The following CFAP77 variants were observed in gnomAD, a reference collection of about 807,000 sequenced individuals.
The protein encoded by CFAP77 is cilia- and flagella-associated protein 77.
Under a neutral mutation model 31.1 loss-of-function variants are expected in CFAP77, and 25 were observed. The observed-to-expected ratio is 0.80, with a 90% CI of 0.59 to 1.12. The LOEUF is 1.12. Ranked by LOEUF, CFAP77 falls within the 50% of genes most tolerant of loss-of-function variation. CFAP77 has a pLI of 0.00. For synonymous variants in CFAP77, 151 were observed against 159.9 expected (o/e 0.94, Z 0.42); for missense variants, 377 against 397.3 (o/e 0.95, Z 0.44).
intron 4 of CFAP77, among the ~76,000 whole-genome samples, chr9:132,538,973 G>C (rs1175686139): frequency 6.6e-6 from 1 of 152,030 alleles, no homozygotes; most frequent in East Asian, 1.9e-4. Context: ...TGTAGTCCCA[G>C]CTACTCGGGA....
intron 1 of CFAP77, among the ~76,000 whole-genome samples, chr9:132,420,075 C>T (rs1355192574): frequency 1.3e-5 from 2 of 151,148 alleles, no homozygotes; most frequent in African/African-American, 2.4e-5. Context: ...GCAGAAGGAT[C>T]TCCTGAGGCC....
At chr9:132,520,529 CA>C (rs1398116292) in intron 3 of CFAP77, among the ~76,000 whole-genome samples, 1 of 152,110 alleles carries the variant, frequency 6.6e-6, no homozygotes, top group African/African-American at 2.4e-5. Flanking sequence ...GTTGTAGTCC[CA>C]GCTACTCAGG....
In CFAP77 at chr9:132,426,360, G is replaced by A. The variant is rs570718001; in HGVS notation, c.195+15894G>A. ...GAACTTTATTTCCTTGCATGATCCCGAAAAGTCTAATACATTTTTTAAAAG... is the reference window on the plus strand; with the variant it reads ...GAACTTTATTTCCTTGCATGATCCCAAAAAGTCTAATACATTTTTTAAAAG... On this transcript the variant is annotated intron_variant, in intron 1 of 5. Transcript: ENST00000393216. Among the ~76,000 whole-genome samples, 64 of 152,244 alleles carry A rather than the reference G, an allele frequency of 4.2e-4. 1 individual carries two copies. The highest frequency in any genetic ancestry group is 1.3e-3 in the African/African-American group (56 of 41,556).
At chr9:132,507,086 A>C (rs900829146) in intron 3 of CFAP77, among the ~76,000 whole-genome samples, 4 of 152,216 alleles carry the variant, frequency 2.6e-5, no homozygotes, top group Non-Finnish European at 5.9e-5. Flanking sequence ...GAACCTGCTG[A>C]GCTTCTCCTT....
chr9:132,439,642 C>A (rs62578561), intron 1 of CFAP77, among the ~76,000 whole-genome samples: 1 of 151,832 alleles, frequency 6.6e-6, no homozygotes, highest in Non-Finnish European at 1.5e-5. Flanking sequence ...GTCAGGAGAT[C>A]GAGACCATCC....
chr9:132,524,371 C>T (rs1232128224), intron 3 of CFAP77, among the ~76,000 whole-genome samples: 4 of 151,604 alleles, frequency 2.6e-5, no homozygotes, highest in East Asian at 2.0e-4. Flanking sequence ...GAGGCCAAGG[C>T]GGGCGGATCA....
intron 1 of CFAP77, among the ~76,000 whole-genome samples, chr9:132,494,554 G>A (rs1046653733): frequency 2.0e-5 from 3 of 152,232 alleles, no homozygotes; most frequent in African/African-American, 7.2e-5. Context: ...TGCATCCTTA[G>A]ACATGTTCTT....
chr9:132,480,033 G>C lies in CFAP77; in HGVS notation c.196-18662G>C, dbSNP rs1851419218. Among the ~76,000 whole-genome samples, 3 of 152,130 alleles carry C rather than the reference G, an allele frequency of 2.0e-5. No individual in the cohort carries two copies. The highest frequency in any genetic ancestry group is 7.2e-5 in the African/African-American group (3 of 41,434). On this transcript the variant is annotated intron_variant, in intron 1 of 5. Transcript: ENST00000393216. This position sits in a 1 kb window ranked among gnomAD's most constrained non-coding sequence, Gnocchi z 5.8. ...CTCTGGATGACACGGATGGAGACGC[G>C]CTCCAGATAGGAAATGGCAGAGCTG...
At chr9:132,459,361 G>GCGCC in intron 1 of CFAP77, among the ~76,000 whole-genome samples, 1 of 152,184 alleles carries the variant, frequency 6.6e-6, no homozygotes, top group East Asian at 1.9e-4. Context: ...GTGAACCACC[G>GCGCC]CGCCCGGCCA....
chr9:132,461,839 G>A (rs574901038), intron 1 of CFAP77, among the ~76,000 whole-genome samples: 1 of 152,306 alleles, frequency 6.6e-6, no homozygotes, highest in African/African-American at 2.4e-5. Context: ...GCCTCACAGA[G>A]TGGCTGCGAT....
chr9:132,494,655 C>A (rs986530031), intron 1 of CFAP77, among the ~76,000 whole-genome samples: 3 of 149,370 alleles, frequency 2.0e-5, no homozygotes, highest in African/African-American at 5.1e-5. Context: ...AGAGATAGTG[C>A]CAAACAGCAC....
At chr9:132,526,315 C>T (rs1313212181) in intron 3 of CFAP77, among the ~76,000 whole-genome samples, 8 of 151,994 alleles carry the variant, frequency 5.3e-5, no homozygotes, top group African/African-American at 1.7e-4. Flanking sequence ...CTGCAACCTC[C>T]GCCTCCCGGG....
chr9:132,429,364 C>A (rs150056248), intron 1 of CFAP77, among the ~76,000 whole-genome samples: 11,331 of 151,714 alleles, frequency 0.075, 559 homozygotes, highest in South Asian at 0.12. Context: ...CATGGTGAAA[C>A]CCTGTCTCTA....
At chr9:132,547,379 C>T (rs1180834898) in intron 5 of CFAP77, among the ~76,000 whole-genome samples, 1 of 152,226 alleles carries the variant, frequency 6.6e-6, no homozygotes, top group Non-Finnish European at 1.5e-5. Context: ...AATATGTGTG[C>T]ACCACGCTCA....
chr9:132,457,161 A>C (rs1191616194), intron 1 of CFAP77, among the ~76,000 whole-genome samples: 1 of 152,098 alleles, frequency 6.6e-6, no homozygotes, highest in African/African-American at 2.4e-5. Flanking sequence ...AAGATGAGGA[A>C]GATGAGGCCA....
chr9:132,548,843 A>G (rs1179560671), intron 5 of CFAP77, among the ~76,000 whole-genome samples: 1 of 152,178 alleles, frequency 6.6e-6, no homozygotes, highest in East Asian at 1.9e-4. Flanking sequence ...TTTTGGTTTC[A>G]GCCCCACTGC....
chr9:132,524,711 T>C (rs181680804), intron 3 of CFAP77, among the ~76,000 whole-genome samples: 14 of 151,598 alleles, frequency 9.2e-5, no homozygotes, highest in African/African-American at 2.2e-4. Context: ...TGCAGTGGCG[T>C]GATCTCGGCT....
chr9:132,544,512 T>TA (rs1852702675), intron 5 of CFAP77, among the ~76,000 whole-genome samples: 1 of 134,238 alleles, frequency 7.4e-6, no homozygotes, highest in Non-Finnish European at 1.7e-5. Flanking sequence ...TTTTTTTTTT[T>TA]TAAGGCTGGG....
At chr9:132,550,427 C>T (rs1852804883) in intron 5 of CFAP77, among the ~76,000 whole-genome samples, 1 of 151,870 alleles carries the variant, frequency 6.6e-6, no homozygotes, top group South Asian at 2.1e-4. Flanking sequence ...AGCTCATCTC[C>T]AGGAGAATAA....
Sources: allele counts gnomAD v4.1 joint callset (sites outside exome capture counted in the v4.1 genomes callset), GRCh38; gene constraint gnomAD v4.1.1; non-coding constraint Gnocchi (gnomAD v3.1); transcripts MANE v1.5; gene names NCBI Gene and HGNC (gene_info 2026-07-23, HGNC 2026-07-21).